Variants in TYR observed in about 807,000 individuals in gnomAD.
The protein encoded by TYR is LB24-AB.
A neutral mutation model predicts 51.5 loss-of-function variants in TYR; 58 were observed. The observed-to-expected ratio is 1.13, with a 90% CI of 0.91 to 1.40. The LOEUF is 1.40. Among genes scored for constraint, TYR ranks in the 40% most tolerant of loss-of-function variants. The pLI, the probability that TYR is intolerant of heterozygous loss-of-function variation, is 0.00. For missense variants in TYR, 732 were observed against 647.4 expected (o/e 1.13, Z -1.42); for synonymous variants, 263 against 235.2 (o/e 1.12, Z -1.08).
At chr11:89,181,218 G>C (rs528430265) in intron 1 of TYR, among the ~76,000 whole-genome samples, 7 of 152,284 alleles carry the variant, frequency 4.6e-5, no homozygotes, top group African/African-American at 7.2e-5. Flanking sequence ...GTTTCACCCT[G>C]TTGGCCAGGC....
chr11:89,184,953 G>C (rs1943350662), intron 1 of TYR, among the ~76,000 whole-genome samples: 1 of 152,174 alleles, frequency 6.6e-6, no homozygotes, highest in Non-Finnish European at 1.5e-5. Flanking sequence ...TTCTATTTGA[G>C]ATGACTACAT....
At chr11:89,216,826 C>T (rs1380830060) in intron 2 of TYR, among the ~76,000 whole-genome samples, 2 of 151,918 alleles carry the variant, frequency 1.3e-5, no homozygotes, top group Non-Finnish European at 1.5e-5. Context: ...TCACCCTAAT[C>T]GAAAGGGTGA....
At chr11:89,187,891 T>G (rs58426148) in intron 1 of TYR, among the ~76,000 whole-genome samples, 11,384 of 151,876 alleles carry the variant, frequency 0.075, 512 homozygotes, top group African/African-American at 0.12. Context: ...TTTATAAAGA[T>G]TAAATATATA....
chr11:89,216,763 C>T (rs1013853448), intron 2 of TYR, among the ~76,000 whole-genome samples: 1 of 151,486 alleles, frequency 6.6e-6, no homozygotes, highest in East Asian at 1.9e-4. Context: ...TCTGGTAGTG[C>T]AATTCTGTCA....
intron 3 of TYR, among the ~76,000 whole-genome samples, chr11:89,231,305 C>T (rs1033245456): frequency 6.6e-6 from 1 of 151,862 alleles, no homozygotes; most frequent in Non-Finnish European, 1.5e-5. Context: ...AGCAGTTCCA[C>T]TCCTGGGCAT....
At chr11:89,182,259 T>C (rs563506055) in intron 1 of TYR, among the ~76,000 whole-genome samples, 1 of 152,326 alleles carries the variant, frequency 6.6e-6, no homozygotes, top group Non-Finnish European at 1.5e-5. Context: ...AAATACATGC[T>C]GAATTTAACA....
chr11:89,213,641 T>C (rs1287422879), intron 2 of TYR, among the ~76,000 whole-genome samples: 1 of 151,980 alleles, frequency 6.6e-6, no homozygotes, highest in Non-Finnish European at 1.5e-5. Context: ...CAATTAATTC[T>C]AAGCAAAAAA....
At chr11:89,210,759 A>T (rs533617727) in intron 2 of TYR, among the ~76,000 whole-genome samples, 1 of 152,370 alleles carries the variant, frequency 6.6e-6, no homozygotes, top group East Asian at 1.9e-4. Context: ...TCAGACTAAC[A>T]GCAGATCTCT....
At chr11:89,185,213 A>T (rs183059445) in intron 1 of TYR, among the ~76,000 whole-genome samples, 112 of 152,280 alleles carry the variant, frequency 7.4e-4, no homozygotes, top group Middle Eastern at 3.4e-3. Context: ...AGATAAAATC[A>T]TAAAAATCCA....
At chr11:89,215,225 T>C (rs976612029) in intron 2 of TYR, among the ~76,000 whole-genome samples, 1 of 152,170 alleles carries the variant, frequency 6.6e-6, no homozygotes, top group African/African-American at 2.4e-5. Flanking sequence ...AGGCTACTTA[T>C]AGCTGACTTC....
At chr11:89,260,169 A>G (rs2135306468) in intron 3 of TYR, among the ~76,000 whole-genome samples, 1 of 152,054 alleles carries the variant, frequency 6.6e-6, no homozygotes, top group Non-Finnish European at 1.5e-5. Context: ...TTTCTCATCT[A>G]CTATCAGACA....
intron 3 of TYR, among the ~76,000 whole-genome samples, chr11:89,251,779 G>A (rs957918643): frequency 2.6e-5 from 4 of 151,758 alleles, no homozygotes; most frequent in African/African-American, 4.8e-5. Context: ...CAATTGCTTT[G>A]GAGAACGGAA....
At chr11:89,290,283 TA>T (rs1053819379) in intron 4 of TYR, among the ~76,000 whole-genome samples, 12 of 151,844 alleles carry the variant, frequency 7.9e-5, no homozygotes, top group African/African-American at 2.7e-4. Context: ...TGTTGAGAAA[TA>T]AAAGTATCTC....
chr11:89,188,599 C>T (rs1943405574), intron 1 of TYR, among the ~76,000 whole-genome samples: 1 of 152,066 alleles, frequency 6.6e-6, no homozygotes, highest in South Asian at 2.1e-4. Context: ...TACTGCTGAA[C>T]ATTCTAATAT....
chr11:89,210,059 C>T (rs966434908), intron 2 of TYR, among the ~76,000 whole-genome samples: 2 of 152,294 alleles, frequency 1.3e-5, no homozygotes, highest in Middle Eastern at 3.4e-3. Context: ...AATGCCTCTT[C>T]TCCTCCAAAG....
At chr11:89,208,037 G>C (rs533906798) in intron 2 of TYR, among the ~76,000 whole-genome samples, 2 of 152,284 alleles carry the variant, frequency 1.3e-5, no homozygotes, top group Admixed American at 6.5e-5. Context: ...GGGAGGCCAA[G>C]GCGGGGGGAT....
chr11:89,236,600 A>C (rs187341727), intron 3 of TYR, among the ~76,000 whole-genome samples: 91 of 152,334 alleles, frequency 6.0e-4, no homozygotes, highest in African/African-American at 2.1e-3. Flanking sequence ...GTGGGTTACC[A>C]CAGAATATTG....
chr11:89,198,511 C>T lies in TYR; in HGVS notation c.1036+7093C>T, dbSNP rs1055290776. ...TCCCCCAGATTTACCACCTTGATAA[C>T]CACATTGGTATTCTGATCAGGCAAT... On this transcript the variant is annotated intron_variant, in intron 2 of 4. Coordinates refer to ENST00000263321, the MANE Select transcript of TYR (RefSeq NM_000372.5). 2.6e-5 allele frequency among the ~76,000 whole-genome samples: 4 copies of T among 152,086 alleles called. No homozygotes were observed. In the East Asian group the frequency reaches 7.8e-4, roughly 29 times the overall value.
At chr11:89,280,218 G>A (rs11018559) in intron 3 of TYR, among the ~76,000 whole-genome samples, 13,606 of 151,610 alleles carry the variant, frequency 0.09, 743 homozygotes, top group South Asian at 0.14. Flanking sequence ...GTTTCTTCGA[G>A]GAACCCCAGT....
Sources: gnomAD v4.1 joint callset for allele counts (sites outside exome capture counted in the v4.1 genomes callset) on GRCh38, gnomAD v4.1.1 for gene constraint, MANE v1.5 for transcripts, NCBI Gene and HGNC (gene_info 2026-07-23, HGNC 2026-07-21) for gene names.